Variants in TRAPPC3 observed in about 807,000 individuals in gnomAD.
TRAPPC3 encodes the protein trafficking protein particle complex 3.
TRAPPC3 carries 5 observed loss-of-function variants against 18.2 expected under a neutral mutation model. That is an observed-to-expected ratio of 0.28 (90% CI 0.14 to 0.58). The LOEUF (loss-of-function observed/expected upper bound fraction) is 0.58. Among genes scored for constraint, TRAPPC3 ranks in the 20% least tolerant of loss-of-function variants. TRAPPC3 has a pLI of 0.91. For synonymous variants in TRAPPC3, 65 were observed against 84.2 expected, an observed-to-expected ratio of 0.77 and a Z score of 1.25; for missense variants, 176 against 225.9, an observed-to-expected ratio of 0.78 and a Z score of 1.41.
chr1:36,138,012 G>A (rs113286790), intron 3 of TRAPPC3, 34 bp from the exon 4 acceptor site: 7 of 1,611,092 alleles, frequency 4.3e-6, no homozygotes, highest in East Asian at 2.2e-5. Flanking sequence ...CTTTGGGGAA[G>A]AGCAGCAGGA....
intron 1 of TRAPPC3, among the ~76,000 whole-genome samples, chr1:36,142,881 A>T (rs938152769): frequency 3.3e-5 from 5 of 151,900 alleles, no homozygotes; most frequent in African/African-American, 1.2e-4. Flanking sequence ...AAATTTTAAA[A>T]ATCAGCCAGG....
At chr1:36,155,102 T>A (rs1242000274) in intron 1 of TRAPPC3, among the ~76,000 whole-genome samples, 2 of 152,174 alleles carry the variant, frequency 1.3e-5, no homozygotes, top group African/African-American at 4.8e-5. Context: ...CTGGGCCTAA[T>A]CTCTGGACAA....
At chr1:36,141,461 C>T (rs1644106323) in intron 1 of TRAPPC3, among the ~76,000 whole-genome samples, 1 of 152,192 alleles carries the variant, frequency 6.6e-6, no homozygotes, top group African/African-American at 2.4e-5. Context: ...AAAGCCCAGG[C>T]TCTGAGGACC....
At chr1:36,152,535 C>G (rs151117408), upstream of TRAPPC3, among the ~76,000 whole-genome samples, 1,667 of 152,204 alleles carry the variant, frequency 0.011, 38 homozygotes, top group African/African-American at 0.038. Context: ...GTCGTGAACT[C>G]CTGACCTCAG....
At chr1:36,155,895 C>G (rs1308631382) in exon 1 of TRAPPC3, 2 of 152,560 alleles carry the variant, frequency 1.3e-5, no homozygotes, top group East Asian at 1.9e-4. Context: ...AGTCCTCAGG[C>G]GCTGCGGCGC....
At chr1:36,139,473 C>G in intron 3 of TRAPPC3, 1 of 482,634 alleles carries the variant, frequency 2.1e-6, no homozygotes, top group Non-Finnish European at 3.7e-6. Context: ...TATTCTTTAC[C>G]CCCATGCTAC....
chr1:36,137,378 C>G, intron 4 of TRAPPC3, 56 bp from the exon 5 acceptor site: 1 of 1,578,554 alleles, frequency 6.3e-7, no homozygotes, highest in East Asian at 2.3e-5. Context: ...CTCTAGGGAA[C>G]CAGTGGGGAT....
At chr1:36,154,317 G>A (rs985818934), upstream of TRAPPC3, among the ~76,000 whole-genome samples, 4 of 152,110 alleles carry the variant, frequency 2.6e-5, no homozygotes, top group South Asian at 2.1e-4. Flanking sequence ...GTCTTGAGCC[G>A]TAGCCAATGT....
At chr1:36,149,040 G>A (rs1374872751) in intron 1 of TRAPPC3, 3 of 1,317,332 alleles carry the variant, frequency 2.3e-6, no homozygotes, top group South Asian at 1.7e-5. Flanking sequence ...GTGGCCCGGT[G>A]CCCAACACAT....
upstream of TRAPPC3, among the ~76,000 whole-genome samples, chr1:36,152,052 T>C (rs74066053): frequency 0.014 from 2,148 of 152,158 alleles, 45 homozygotes; most frequent in African/African-American, 0.048. Flanking sequence ...TGAGAATGGG[T>C]GCCTATTCTC....
In TRAPPC3 at chr1:36,141,769, C is replaced by T. The variant is rs189369682; in HGVS notation, c.43-1603G>A. Among the ~76,000 whole-genome samples, 388 of 152,012 alleles carry T rather than the reference C, an allele frequency of 2.6e-3. 2 individuals are homozygous for T. Among genetic ancestry groups the T allele is most frequent in the Non-Finnish European group, 4.0e-3 (271 of 67,962 alleles). On this transcript the variant is annotated intron_variant, in intron 1 of 4. Transcript: ENST00000373166. Reference sequence around the variant, plus strand: ...GGTCAAGAGATTGAGACCATCCTGGCTAACACGGTGAAACCCCGTCTCTAC... The same window carrying T: ...GGTCAAGAGATTGAGACCATCCTGGTTAACACGGTGAAACCCCGTCTCTAC...
At chr1:36,146,442 G>A (rs545071270) in intron 1 of TRAPPC3, among the ~76,000 whole-genome samples, 61 of 151,594 alleles carry the variant, frequency 4.0e-4, no homozygotes, top group Middle Eastern at 3.4e-3. Context: ...GACTACAGAC[G>A]CCCGCCACCG....
intron 1 of TRAPPC3, among the ~76,000 whole-genome samples, chr1:36,147,404 T>C (rs1644216937): frequency 6.6e-6 from 1 of 150,750 alleles, no homozygotes; most frequent in Admixed American, 6.6e-5. Context: ...GAAGCAGAGT[T>C]GGAGGGACTG....
rs1261103582 is a variant in TRAPPC3 at position 36,137,861 on chromosome 1, C to A, written c.358G>T (p.Asp120Tyr). ...NPLVDFVELP[D>Y]NHSSLIYSNL... ...GAATAAATAAGGGATGAGTGGTTAT[C>A]AGGAAGTTCCACAAAGTCCACCAAG... The change falls in exon 4 of 5, where the codon GAT (aspartate) becomes TAT (tyrosine). Residue 120 changes from aspartate to tyrosine, a missense_variant. Transcript: ENST00000373166. 6.2e-7 allele frequency: 1 copy of A among 1,614,232 alleles called. No individual in the cohort carries two copies. Among genetic ancestry groups the A allele is most frequent in the East Asian group, 2.2e-5 (1 of 44,894 alleles).
chr1:36,143,908 GATA>G (rs1278980343), intron 1 of TRAPPC3, among the ~76,000 whole-genome samples: 4 of 152,154 alleles, frequency 2.6e-5, no homozygotes, highest in African/African-American at 7.2e-5. Flanking sequence ...ATTCCAATCA[GATA>G]ATGTTTGTGG....
intron 1 of TRAPPC3, among the ~76,000 whole-genome samples, chr1:36,142,866 C>CA (rs149005972): frequency 0.04 from 6,144 of 151,902 alleles, 415 homozygotes; most frequent in African/African-American, 0.14. Context: ...CCCAACTTTA[C>CA]AAAAAAATTT....
At chr1:36,148,414 G>A (rs1456643711) in intron 1 of TRAPPC3, among the ~76,000 whole-genome samples, 3 of 152,298 alleles carry the variant, frequency 2.0e-5, no homozygotes, top group African/African-American at 7.2e-5. Flanking sequence ...GGCCAACATG[G>A]TGAAACCCCA....
chr1:36,149,291 C>A (rs757496382), intron 1 of TRAPPC3, 46 bp downstream of exon 1: 1 of 1,612,702 alleles, frequency 6.2e-7, no homozygotes, highest in South Asian at 1.1e-5. Flanking sequence ...CTTCCCTGTA[C>A]GCCTCAATTT....
chr1:36,143,424 C>G (rs1452361894), intron 1 of TRAPPC3, among the ~76,000 whole-genome samples: 1 of 152,170 alleles, frequency 6.6e-6, no homozygotes, highest in African/African-American at 2.4e-5. Context: ...CAGCGGGAGA[C>G]TCTTGGCCTT....
Sources: gnomAD v4.1 joint callset for allele counts (sites outside exome capture counted in the v4.1 genomes callset) on GRCh38, gnomAD v4.1.1 for gene constraint, MANE v1.5 for transcripts, NCBI Gene and HGNC (gene_info 2026-07-23, HGNC 2026-07-21) for gene names.